The following ACYP2 variants were observed in gnomAD, a reference collection of about 807,000 sequenced individuals.
ACYP2 encodes acylphosphatase-2.
Under a neutral mutation model 11.2 loss-of-function variants are expected in ACYP2, and 12 were observed. That is an observed-to-expected ratio of 1.08 (90% confidence interval 0.69 to 1.74). ACYP2 has a LOEUF of 1.74. Among genes scored for constraint, ACYP2 ranks in the 40% most tolerant of loss-of-function variants. The pLI is 0.00. For synonymous variants in ACYP2, 43 were observed against 32.2 expected (o/e 1.33, Z -1.13); for missense variants, 134 against 101.9 (o/e 1.31, Z -1.35).
At chr2:54,202,570 G>A (rs950414775) in intron 6 of ACYP2, among the ~76,000 whole-genome samples, 3 of 150,802 alleles carry the variant, frequency 2.0e-5, no homozygotes, top group African/African-American at 7.3e-5. Context: ...AATACGCCTG[G>A]CTAATTTTTG....
At chr2:54,288,848 A>G (rs540799029) in intron 6 of ACYP2, among the ~76,000 whole-genome samples, 1 of 152,066 alleles carries the variant, frequency 6.6e-6, no homozygotes, top group South Asian at 2.1e-4. Context: ...CCTTATCTGG[A>G]TGATTGCCAA....
chr2:54,130,056 C>A (rs923788897), intron 4 of ACYP2, among the ~76,000 whole-genome samples: 1 of 151,862 alleles, frequency 6.6e-6, no homozygotes, highest in African/African-American at 2.4e-5. Context: ...GTTGGGGACA[C>A]AGTGGTAAGT....
At chr2:54,062,617 A>C (rs72906730) in intron 4 of ACYP2, among the ~76,000 whole-genome samples, 25 of 152,330 alleles carry the variant, frequency 1.6e-4, no homozygotes, top group African/African-American at 5.5e-4. Flanking sequence ...AAAGGCAAAG[A>C]GTTTTAAACT....
intron 4 of ACYP2, among the ~76,000 whole-genome samples, chr2:54,131,035 T>A (rs1002080153): frequency 6.6e-6 from 1 of 152,274 alleles, no homozygotes; most frequent in Non-Finnish European, 1.5e-5. Flanking sequence ...ATTGCCAGTT[T>A]ACTTGTCCAT....
intron 6 of ACYP2, among the ~76,000 whole-genome samples, chr2:54,199,838 C>T (rs1395541505): frequency 1.3e-5 from 2 of 152,218 alleles, no homozygotes; most frequent in East Asian, 3.8e-4. Flanking sequence ...CTGCACTGTT[C>T]TGTCATGCGG....
intron 2 of ACYP2, among the ~76,000 whole-genome samples, chr2:54,034,563 C>T (rs1437889241): frequency 3.3e-5 from 5 of 152,086 alleles, no homozygotes; most frequent in Admixed American, 6.6e-5. Flanking sequence ...TCTAGGTTTG[C>T]GTAAGTGCAG....
At chr2:53,971,931 A>G (rs553975083) in intron 1 of ACYP2, among the ~76,000 whole-genome samples, 1 of 152,368 alleles carries the variant, frequency 6.6e-6, no homozygotes, top group Non-Finnish European at 1.5e-5. Context: ...AGGCAATCCT[A>G]AGGAATTCAG....
intron 6 of ACYP2, among the ~76,000 whole-genome samples, chr2:54,213,759 C>T (rs549978963): frequency 2.1e-4 from 31 of 148,942 alleles, no homozygotes; most frequent in Admixed American, 5.9e-4. Context: ...TTGCCCCCCA[C>T]CCCACACCCC....
chr2:53,999,077 A>T (rs548887603), intron 2 of ACYP2, among the ~76,000 whole-genome samples: 2 of 152,284 alleles, frequency 1.3e-5, no homozygotes, highest in African/African-American at 4.8e-5. Context: ...AGGAAATACA[A>T]AAAAGGATGT....
intron 4 of ACYP2, among the ~76,000 whole-genome samples, chr2:54,085,935 T>C (rs915258203): frequency 4.6e-5 from 7 of 152,080 alleles, no homozygotes; most frequent in African/African-American, 1.7e-4. Flanking sequence ...AAAAGTTTCT[T>C]TGAGTCACTT....
At chr2:54,042,152 A>G (rs911228113) in intron 2 of ACYP2, among the ~76,000 whole-genome samples, 4 of 152,088 alleles carry the variant, frequency 2.6e-5, no homozygotes, top group Non-Finnish European at 5.9e-5. Flanking sequence ...GATTACAGGC[A>G]TGCACCACCA....
At chr2:54,014,649 T>C (rs1000259112) in intron 2 of ACYP2, among the ~76,000 whole-genome samples, 1 of 152,192 alleles carries the variant, frequency 6.6e-6, no homozygotes, top group Non-Finnish European at 1.5e-5. Flanking sequence ...AAATAAGCTC[T>C]TTTTATTTCA....
intron 6 of ACYP2, among the ~76,000 whole-genome samples, chr2:54,245,949 T>A (rs1686931041): frequency 6.6e-6 from 1 of 152,144 alleles, no homozygotes; most frequent in African/African-American, 2.4e-5. Flanking sequence ...GTCCTGGAAC[T>A]TTTCTCCTAT....
intron 6 of ACYP2, chr2:54,253,800 G>T (rs888292641): frequency 2.6e-5 from 4 of 152,256 alleles, no homozygotes; most frequent in African/African-American, 9.7e-5. Context: ...TTGCTAAAGA[G>T]GGGTGAGGGG....
In ACYP2 at chr2:54,238,351, G is replaced by C. The variant is rs919907668; in HGVS notation, c.405-66337G>C. The stretch of plus-strand genomic sequence containing the variant: ...CCTCACAGTTGTATCCCATCCCCTG[G>C]AATAGTGCCTGGATTAGAGTAAATG... On this transcript the variant is annotated intron_variant, in intron 6 of 6. Coordinates refer to ENST00000607452, the MANE Select transcript of ACYP2 (RefSeq NM_001320586.2). Among the ~76,000 whole-genome samples the C allele has an allele frequency of 2.0e-5, 3 of 152,122 alleles. No homozygotes were observed. The East Asian group carries it at 5.8e-4, about 29-fold the overall frequency.
chr2:54,182,249 A>G (rs567206109), intron 6 of ACYP2, among the ~76,000 whole-genome samples: 22 of 151,874 alleles, frequency 1.4e-4, no homozygotes, highest in African/African-American at 4.8e-4. Context: ...TAGTAGAGAC[A>G]GAGTTTCGTC....
chr2:54,291,301 A>T (rs116800538), intron 6 of ACYP2, among the ~76,000 whole-genome samples: 1 of 151,994 alleles, frequency 6.6e-6, no homozygotes, highest in African/African-American at 2.4e-5. Context: ...TGACCCTTCA[A>T]TGTTGGTTGG....
At chr2:54,181,404 T>G (rs532835772) in intron 6 of ACYP2, among the ~76,000 whole-genome samples, 1 of 152,284 alleles carries the variant, frequency 6.6e-6, no homozygotes, top group African/African-American at 2.4e-5. Context: ...TCACCTTGTA[T>G]AAGTTTCTTA....
chr2:54,166,990 G>A (rs544921791), intron 6 of ACYP2: 40 of 149,866 alleles, frequency 2.7e-4, no homozygotes, highest in African/African-American at 9.6e-4. Context: ...GACAAATTCT[G>A]AAAAAGCTGT....
Sources: allele counts gnomAD v4.1 joint callset (sites outside exome capture counted in the v4.1 genomes callset), GRCh38; gene constraint gnomAD v4.1.1; transcripts MANE v1.5; gene names NCBI Gene and HGNC (gene_info 2026-07-23, HGNC 2026-07-21).